Variants in ACSS2 observed in about 807,000 individuals in gnomAD.
The protein encoded by ACSS2 is acetyl-coenzyme A synthetase, cytoplasmic.
Under a neutral mutation model 90.6 loss-of-function variants are expected in ACSS2, and 58 were observed. That is an observed-to-expected ratio of 0.64 (90% confidence interval 0.52 to 0.80). ACSS2 has a LOEUF of 0.80. Ranked by LOEUF, ACSS2 falls within the 30% of genes least tolerant of loss-of-function variation. The probability of loss-of-function intolerance (pLI) is 0.00; values close to 1 mark genes in which losing one functional copy is unlikely to be tolerated. For missense variants in ACSS2, 759 were observed against 912.0 expected (o/e 0.83, Z 2.16); for synonymous variants, 300 against 330.9 (o/e 0.91, Z 1.01).
At position 34,921,314 on chromosome 20, in the gene ACSS2, C is replaced by T. The variant is rs761501371; in HGVS notation, c.1278-16C>T. On this transcript the variant is annotated splice_polypyrimidine_tract_variant and intron_variant, in intron 10 of 17. Transcript: ENST00000360596. ...TAGTACTCAGAGCCTTCCTCTCTCC[C>T]ATTCCCCTGCCCCAGGCATAGCCGG... The T allele has an allele frequency of 6.2e-7, 1 of 1,613,918 alleles. No homozygotes were observed. Among genetic ancestry groups the T allele is most frequent in the Non-Finnish European group, 8.5e-7 (1 of 1,179,984 alleles).
Position 34,927,160 on chromosome 20 carries a change from T to C in ACSS2, c.2052T>C (p.Ala684=). ...DHDLGDMSTV[A]DPSVISHLFS... is the part of the protein sequence containing the mutation. ...ACCTCGGGGACATGTCTACTGTGGC[T>C]GACCCATCTGTCATCAGTCACCTCT... The change falls in exon 18 of 18, where the codon GCT becomes GCC. Residue 684 remains alanine (A), a synonymous_variant. Coordinates refer to ENST00000360596, the MANE Select transcript of ACSS2 (RefSeq NM_018677.4). This position sits in a 1 kb window ranked among gnomAD's most constrained non-coding sequence, Gnocchi z 4.2. The C allele has an allele frequency of 6.2e-7, 1 of 1,614,192 alleles. No individual in the cohort carries two copies. The highest frequency in any genetic ancestry group is 8.5e-7 in the Non-Finnish European group (1 of 1,180,030).
At chr20:34,893,042 A>G (rs1195456683) in intron 2 of ACSS2, among the ~76,000 whole-genome samples, 2 of 152,194 alleles carry the variant, frequency 1.3e-5, no homozygotes, top group African/African-American at 4.8e-5. Context: ...TGACTTGAAC[A>G]GGGTACTATT....
At chr20:34,906,047 A>G (rs1419251112) in intron 2 of ACSS2, among the ~76,000 whole-genome samples, 1 of 152,154 alleles carries the variant, frequency 6.6e-6, no homozygotes, top group East Asian at 1.9e-4. Flanking sequence ...AAGAGTTCTG[A>G]TATCCTGGCC....
intron 10 of ACSS2, 86 bp from the exon 11 acceptor site, chr20:34,921,244 T>C (rs1324571424): frequency 1.9e-6 from 3 of 1,606,672 alleles, no homozygotes; most frequent in African/African-American, 2.7e-5. Flanking sequence ...TGACCTGGAA[T>C]AGAGGATGGG....
At chr20:34,876,267 A>C (rs1601261688), upstream of ACSS2, among the ~76,000 whole-genome samples, 3 of 145,930 alleles carry the variant, frequency 2.1e-5, no homozygotes, top group Admixed American at 6.8e-5. Flanking sequence ...ACTCCCCATC[A>C]CTCCATGGGC....
chr20:34,907,164 G>A (rs1372807843), intron 2 of ACSS2, among the ~76,000 whole-genome samples: 1 of 151,466 alleles, frequency 6.6e-6, no homozygotes, highest in Non-Finnish European at 1.5e-5. Flanking sequence ...GTCACCCAGG[G>A]TGGAGTGCAA....
rs1451315074 is a variant in ACSS2, at chr20:34,926,261, C to A, written c.1883C>A (p.Thr628Asn). 6.2e-7 allele frequency: 1 copy of A among 1,614,142 alleles called. No homozygotes were observed. Among genetic ancestry groups the A allele is most frequent in the South Asian group, 1.1e-5 (1 of 91,086 alleles). The change falls in exon 16 of 18, where the codon ACC (threonine) becomes AAC (asparagine). Residue 628 changes from threonine to asparagine, a missense_variant. Physicochemically the swap from Thr to Asn is moderately conservative, Grantham distance 65 (BLOSUM62 0). Transcript: ENST00000360596. ...CDGHTFSPKL[T>N]EELKKQIREK... ...GGCCACACCTTCAGCCCCAAGCTCA[C>A]CGAGGAGCTCAAGAAGCAGAGTAAG...
rs2081155625 is a variant in ACSS2 at position 34,919,723 on chromosome 20, CA to C, written c.972+154del. Reference sequence around the variant, plus strand: ...AAATGTAGCATTGTCTTTTCTAAATCAAATTAAGACATAAATCCTCAATCTA... The same window carrying C: ...AAATGTAGCATTGTCTTTTCTAAATCAATTAAGACATAAATCCTCAATCTA... On this transcript the variant is annotated intron_variant, in intron 8 of 17. Coordinates refer to ENST00000360596, the MANE Select transcript of ACSS2 (RefSeq NM_018677.4). 8 of 1,234,178 alleles carry C rather than the reference CA, an allele frequency of 6.5e-6. No homozygotes were observed. The South Asian group carries it at 1.2e-4, about 18-fold the overall frequency. The allele number at this position is 1,234,178 out of a possible 1,614,324, so 76.5% of individuals were successfully genotyped here.
At position 34,882,930 on chromosome 20, in the gene ACSS2, C is replaced by A; in HGVS notation, c.315C>A (p.Tyr105Ter). Residue 105 changes from tyrosine to a stop codon, truncating the protein, a stop_gained, in exon 2 of 18, where the codon TAC becomes TAA. Transcript: ENST00000360596. LOFTEE classifies it high-confidence loss of function. ...WMKGATTNICYNVLDRNVHEK... is the reference protein window; with the variant it reads ...WMKGATTNIC ...AAGGAGCAACTACCAACATCTGCTA[C>A]AATGTACTGGATCGAAATGTCCATG... 6.2e-7 allele frequency: 1 copy of A among 1,613,572 alleles called. No individual in the cohort carries two copies. Among genetic ancestry groups the A allele is most frequent in the Non-Finnish European group, 8.5e-7 (1 of 1,179,828 alleles).
chr20:34,892,309 C>T (rs528714442), intron 2 of ACSS2, among the ~76,000 whole-genome samples: 2 of 152,290 alleles, frequency 1.3e-5, no homozygotes, highest in African/African-American at 2.4e-5. Flanking sequence ...GGCCTTCCCC[C>T]ACTTCCTGGA....
At chr20:34,876,519 T>A, upstream of ACSS2, 2 of 1,022,146 alleles carry the variant, frequency 2.0e-6, no homozygotes, top group Non-Finnish European at 2.6e-6. Context: ...CCCGCCAGAC[T>A]AAGCCACTCC....
chr20:34,893,095 T>C (rs1295150019), intron 2 of ACSS2, among the ~76,000 whole-genome samples: 1 of 152,216 alleles, frequency 6.6e-6, no homozygotes, highest in Non-Finnish European at 1.5e-5. Flanking sequence ...ATTAGCCTCA[T>C]TGACAGCCAC....
At chr20:34,913,072 C>G in intron 2 of ACSS2, 24 bp from the exon 3 acceptor site, 1 of 1,580,650 alleles carries the variant, frequency 6.3e-7, no homozygotes, top group Non-Finnish European at 8.7e-7. Flanking sequence ...CCCCTAATCA[C>G]TGGTTCTTTC....
chr20:34,899,490 C>CT (rs2080589759), intron 2 of ACSS2, among the ~76,000 whole-genome samples: 4 of 110,312 alleles, frequency 3.6e-5, no homozygotes, highest in Non-Finnish European at 7.7e-5. Context: ...TCTTTTCTTT[C>CT]TTTTTTGTTT....
intron 2 of ACSS2, among the ~76,000 whole-genome samples, chr20:34,887,670 G>A (rs2080230301): frequency 6.6e-6 from 1 of 152,182 alleles, no homozygotes; most frequent in African/African-American, 2.4e-5. Context: ...GAACCCAGGA[G>A]GCAGAGGTTG....
In ACSS2 at chr20:34,927,073, C is replaced by A; in HGVS notation, c.1979-14C>A. 6.2e-7 allele frequency: 1 copy of A among 1,614,108 alleles called. No homozygotes were observed. The highest frequency in any genetic ancestry group is 8.5e-7 in the Non-Finnish European group (1 of 1,180,022). On this transcript the variant is annotated splice_polypyrimidine_tract_variant and intron_variant, in intron 17 of 17. Transcript: ENST00000360596. This position sits in a 1 kb window ranked among gnomAD's most constrained non-coding sequence, Gnocchi z 4.2. ...GTGCTTTCACCAAGTAACTAGAGGTCTGTGGTTCCCCAGGGAAAATCATGA... is the reference window on the plus strand; with the variant it reads ...GTGCTTTCACCAAGTAACTAGAGGTATGTGGTTCCCCAGGGAAAATCATGA...
chr20:34,877,920 A>ATAGATAGATAGATAGATAGT, intron 1 of ACSS2, among the ~76,000 whole-genome samples: 1 of 150,232 alleles, frequency 6.7e-6, no homozygotes, highest in South Asian at 2.1e-4. Context: ...AGATAGATAG[A>ATAGATAGATAGATAGATAGT]TAGATAGATA....
chr20:34,885,888 G>C (rs527658598), intron 2 of ACSS2, among the ~76,000 whole-genome samples: 8 of 152,110 alleles, frequency 5.3e-5, no homozygotes, highest in African/African-American at 1.9e-4. Context: ...AATTGTTAAA[G>C]ATATTGGATA....
At chr20:34,877,053 G>A (rs1427774421) in intron 1 of ACSS2, among the ~76,000 whole-genome samples, 3 of 152,196 alleles carry the variant, frequency 2.0e-5, no homozygotes, top group Non-Finnish European at 2.9e-5. Context: ...GTGGAGATGC[G>A]GGTTTTTGCG....
Sources: gnomAD v4.1 joint callset for allele counts (sites outside exome capture counted in the v4.1 genomes callset) on GRCh38, gnomAD v4.1.1 for gene constraint, Gnocchi (gnomAD v3.1) non-coding constraint, MANE v1.5 for transcripts, NCBI Gene and HGNC (gene_info 2026-07-23, HGNC 2026-07-21) for gene names.